OR8G5: variants seen among roughly 807,000 people sequenced by gnomAD.
The protein encoded by OR8G5 is olfactory receptor 8G5.
For synonymous variants in OR8G5, 147 were observed against 147.7 expected (o/e 1.00, Z 0.03); for missense variants, 347 against 371.9 (o/e 0.93, Z 0.55).
In OR8G5 at chr11:124,265,410, TA is replaced by T; in HGVS notation, c.480del (p.Ile160MetfsTer14). The T allele has an allele frequency of 6.2e-7, 1 of 1,614,046 alleles. No homozygotes were observed. The highest frequency in any genetic ancestry group is 8.5e-7 in the Non-Finnish European group (1 of 1,179,878). ...VIGLICASAH[I>X]GCMFRVQFCK... ...GGCCTGATTTGTGCGTCAGCTCATA[TA>T]GGCTGTATGTTTAGGGTTCAATTCT... is the stretch of plus-strand genomic sequence containing the variant. On this transcript the variant is annotated frameshift_variant, in exon 2 of 2. Coordinates refer to ENST00000641992, the MANE Select transcript of OR8G5 (RefSeq NM_001005198.2). LOFTEE classifies it low-confidence loss of function (END_TRUNC).
In OR8G5 at chr11:124,264,917, G is replaced by T. The variant is rs377083928; in HGVS notation, c.-14-1G>T. 6.2e-7 allele frequency: 1 copy of T among 1,613,380 alleles called. No individual in the cohort carries two copies. Among genetic ancestry groups the T allele is most frequent in the Non-Finnish European group, 8.5e-7 (1 of 1,179,480 alleles). On this transcript the variant is annotated splice_acceptor_variant, in intron 1 of 1. Transcript: ENST00000641992. LOFTEE classifies it low-confidence loss of function (5UTR_SPLICE). ...TACCATGTTTTTTCTCTCCCCTGCAGAAACTCATCAAAGAATGGCAGCAGA... is the reference window on the plus strand; with the variant it reads ...TACCATGTTTTTTCTCTCCCCTGCATAAACTCATCAAAGAATGGCAGCAGA...
intron 1 of OR8G5, among the ~76,000 whole-genome samples, chr11:124,258,134 A>G (rs2137756491): frequency 6.6e-6 from 1 of 152,276 alleles, no homozygotes; most frequent in South Asian, 2.1e-4. Context: ...CACAAAATAA[A>G]CACCTCTTCT....
Position 124,265,495 on chromosome 11 carries a change from C to T in OR8G5, c.564C>T (p.Ser188=), listed in dbSNP as rs1452409171. The change falls in exon 2 of 2, where the codon TCC becomes TCT. Residue 188 remains serine, a synonymous_variant. Coordinates refer to ENST00000641992, the MANE Select transcript of OR8G5 (RefSeq NM_001005198.2). ...ATCTTATTTCTATCTTGAAGCTCTC[C>T]TGTTCTAGTACTTACATTAATGAGT... ...FCDLISILKL[S]CSSTYINELL... 6 of 1,613,864 alleles carry T rather than the reference C, an allele frequency of 3.7e-6. No individual in the cohort carries two copies. Among genetic ancestry groups the T allele is most frequent in the Non-Finnish European group, 5.1e-6 (6 of 1,179,876 alleles).
Position 124,258,506 on chromosome 11 carries a change from C to T in OR8G5, c.-15+1872C>T, listed in dbSNP as rs545804011. ...CCAGGAGGTGAAGGTTGCAGTGAGC[C>T]GAGACCACACCACTGCACTCCAACT... On this transcript the variant is annotated intron_variant, in intron 1 of 1. Transcript: ENST00000641992. 1.0e-3 allele frequency among the ~76,000 whole-genome samples: 159 copies of T among 151,686 alleles called. 1 individual carries two copies. The highest frequency in any genetic ancestry group is 1.8e-3 in the Admixed American group (28 of 15,218).
At chr11:124,258,427 G>A (rs372661702) in intron 1 of OR8G5, among the ~76,000 whole-genome samples, 3 of 151,808 alleles carry the variant, frequency 2.0e-5, no homozygotes, top group South Asian at 2.1e-4. Flanking sequence ...GCGTGGTGGC[G>A]GGCGCCTATA....
intron 1 of OR8G5, 113 bp downstream of exon 1, chr11:124,256,747 A>G (rs1265563345): frequency 4.6e-5 from 7 of 150,962 alleles, no homozygotes; most frequent in Non-Finnish European, 7.3e-5. Flanking sequence ...TTAATCAATC[A>G]TTTATTCTTA....
At position 124,265,443 on chromosome 11, in the gene OR8G5, T is replaced by C; in HGVS notation, c.512T>C (p.Phe171Ser). Residue 171 changes from phenylalanine to serine, a missense_variant, in exon 2 of 2, where the codon TTT becomes TCT. Phe to Ser is a radical substitution (Grantham distance 155). Coordinates refer to ENST00000641992, the MANE Select transcript of OR8G5 (RefSeq NM_001005198.2). ...GCMFRVQFCK[F>S]DVINHYFCDL... ...ATGTTTAGGGTTCAATTCTGCAAAT[T>C]TGATGTGATCAACCATTATTTCTGT... 1.2e-6 allele frequency: 2 copies of C among 1,614,034 alleles called. No individual in the cohort carries two copies.
At chr11:124,259,263 C>T (rs1861942240) in intron 1 of OR8G5, among the ~76,000 whole-genome samples, 1 of 152,010 alleles carries the variant, frequency 6.6e-6, no homozygotes, top group Admixed American at 6.6e-5. Flanking sequence ...TATTAAACAA[C>T]ACAAACAGGA....
Position 124,266,007 on chromosome 11 carries a change from C to A in OR8G5, c.*140C>A. 9.5e-7 allele frequency: 1 copy of A among 1,054,994 alleles called. No individual in the cohort carries two copies. The highest frequency in any genetic ancestry group is 1.3e-6 in the Non-Finnish European group (1 of 752,770). The allele number at this position is 1,054,994 out of a possible 1,614,324, so 65.4% of individuals were successfully genotyped here. A position where few individuals can be genotyped will look rare whatever the true frequency, so the allele number is the denominator to read the frequency against. ...TTTTACTGACGTTATGTCTTATGCA[C>A]ATGGTCTATTTCATGCCATTTCCCT... is the stretch of plus-strand genomic sequence containing the variant. On this transcript the variant is annotated 3_prime_UTR_variant, in exon 2 of 2. Transcript: ENST00000641992.
At position 124,266,047 on chromosome 11, in the gene OR8G5, C is replaced by T. The variant is rs1318565284; in HGVS notation, c.*180C>T. The T allele has an allele frequency of 6.7e-6, 5 of 748,544 alleles. No individual in the cohort carries two copies. Among genetic ancestry groups the T allele is most frequent in the Non-Finnish European group, 2.0e-6 (1 of 491,332 alleles). The allele number at this position is 748,544 out of a possible 1,614,324, so 46.4% of individuals were successfully genotyped here. ...GCCATTTCCCTCTCATTTTTTCTCT[C>T]ATAAGGATTACGAAGACATGATATT... On this transcript the variant is annotated 3_prime_UTR_variant, in exon 2 of 2. Coordinates refer to ENST00000641992, the MANE Select transcript of OR8G5 (RefSeq NM_001005198.2).
chr11:124,260,588 T>G (rs1861960493), intron 1 of OR8G5, among the ~76,000 whole-genome samples: 2 of 151,876 alleles, frequency 1.3e-5, no homozygotes, highest in South Asian at 4.1e-4. Flanking sequence ...GCAATTGAAT[T>G]ATGTTAAATC....
At position 124,265,571 on chromosome 11, in the gene OR8G5, A is replaced by G; in HGVS notation, c.640A>G (p.Ile214Val). ...TAACATCCTTGTCCCCAGCCTGACC[A>G]TCCTCAGCTCTTACATCTTCATCAT... ...GINILVPSLT[I>V]LSSYIFIIAS... Residue 214 changes from isoleucine to valine, a missense_variant, in exon 2 of 2, where the codon ATC (isoleucine) becomes GTC (valine). Transcript: ENST00000641992. The G allele has an allele frequency of 6.2e-7, 1 of 1,613,898 alleles. No individual in the cohort carries two copies. The highest frequency in any genetic ancestry group is 8.5e-7 in the Non-Finnish European group (1 of 1,179,850).
chr11:124,258,017 C>A (rs947245055), intron 1 of OR8G5, among the ~76,000 whole-genome samples: 1 of 152,064 alleles, frequency 6.6e-6, no homozygotes, highest in African/African-American at 2.4e-5. Flanking sequence ...TACTCCATAT[C>A]CCATTATTTT....
In OR8G5 at chr11:124,256,549, C is replaced by T. The variant is rs892418413; in HGVS notation, c.-100C>T. Reference sequence around the variant, plus strand: ...AACGCTGGCTTGGTACCTATGACTTCCAACAGCAGCATTAGTGCCATTCTC... The same window carrying T: ...AACGCTGGCTTGGTACCTATGACTTTCAACAGCAGCATTAGTGCCATTCTC... On this transcript the variant is annotated 5_prime_UTR_variant, in exon 1 of 2. Coordinates refer to ENST00000641992, the MANE Select transcript of OR8G5 (RefSeq NM_001005198.2). The T allele has an allele frequency of 6.6e-6, 1 of 152,144 alleles. No individual in the cohort carries two copies. The highest frequency in any genetic ancestry group is 1.5e-5 in the Non-Finnish European group (1 of 68,030). 9.4% of individuals were successfully genotyped at this position (152,144 alleles called of 1,614,324 possible). A position where few individuals can be genotyped will look rare whatever the true frequency, so the allele number is the denominator to read the frequency against.
At chr11:124,261,732 C>A (rs1235289563) in intron 1 of OR8G5, among the ~76,000 whole-genome samples, 1 of 151,740 alleles carries the variant, frequency 6.6e-6, no homozygotes, top group African/African-American at 2.4e-5. Flanking sequence ...GGCAATGTAT[C>A]CTTTTAAGAT....
intron 1 of OR8G5, among the ~76,000 whole-genome samples, chr11:124,257,694 T>C (rs1861926724): frequency 6.6e-6 from 1 of 152,180 alleles, no homozygotes; most frequent in Non-Finnish European, 1.5e-5. Flanking sequence ...TGGTGGTTAA[T>C]CTTTCCTGGT....
rs751410990 is a variant in OR8G5, at chr11:124,265,657, C to G, written c.726C>G (p.Ser242Arg). 1 of 1,614,028 alleles carries G rather than the reference C, an allele frequency of 6.2e-7. No individual in the cohort carries two copies. The highest frequency in any genetic ancestry group is 8.5e-7 in the Non-Finnish European group (1 of 1,179,920). Residue 242 changes from serine (S) to arginine (R), a missense_variant, in exon 2 of 2, where the codon AGC becomes AGG. Transcript: ENST00000641992. ...EGRSKAFSTCSSHISAVSVFF... is the reference protein window; with the variant it reads ...EGRSKAFSTCRSHISAVSVFF... ...GGTCCAAAGCCTTCAGCACTTGCAG[C>G]TCCCACATCTCGGCTGTTTCTGTTT...
At chr11:124,262,624 A>G (rs1327799622) in intron 1 of OR8G5, among the ~76,000 whole-genome samples, 1 of 151,768 alleles carries the variant, frequency 6.6e-6, no homozygotes, top group Non-Finnish European at 1.5e-5. Context: ...TGTGATTTAT[A>G]TTTACTTTTT....
In OR8G5 at chr11:124,265,262, G is replaced by A. The variant is rs372406086; in HGVS notation, c.331G>A (p.Glu111Lys). 845 of 1,614,036 alleles carry A rather than the reference G, an allele frequency of 5.2e-4. 10 individuals carry two copies. The South Asian group carries it at 8.9e-3, about 17-fold the overall frequency. Reference sequence around the variant, plus strand: ...CTTCTTCCTCGTTTTTGCTATTGCAGAGTGTCACATGTTGGCTGCAATGGC... The same window carrying A: ...CTTCTTCCTCGTTTTTGCTATTGCAAAGTGTCACATGTTGGCTGCAATGGC... ...LYFFLVFAIA[E>K]CHMLAAMAYD... Residue 111 changes from glutamate to lysine, a missense_variant, in exon 2 of 2, where the codon GAG (glutamate) becomes AAG (lysine). By Grantham distance (56) the Glu-to-Lys change is moderately conservative (BLOSUM62 1). Transcript: ENST00000641992.
Sources: allele counts gnomAD v4.1 joint callset (sites outside exome capture counted in the v4.1 genomes callset), GRCh38; gene constraint gnomAD v4.1.1; transcripts MANE v1.5; gene names NCBI Gene and HGNC (gene_info 2026-07-23, HGNC 2026-07-21).